Variants in FOXN3 observed in about 807,000 individuals in gnomAD.
FOXN3 encodes forkhead box protein N3.
FOXN3 carries 7 observed loss-of-function variants against 38.4 expected under a neutral mutation model. The ratio of observed to expected loss-of-function variants is 0.18; its 90% CI spans 0.10 to 0.34. The LOEUF is 0.34. Ranked by LOEUF, FOXN3 falls within the 10% of genes least tolerant of loss-of-function variation. FOXN3 has a pLI of 1.00. For synonymous variants in FOXN3, 230 were observed against 242.2 expected, an observed-to-expected ratio of 0.95 and a Z score of 0.47; for missense variants, 456 against 613.4, an observed-to-expected ratio of 0.74 and a Z score of 2.71.
At chr14:89,485,930 C>A (rs951625398) in intron 1 of FOXN3, among the ~76,000 whole-genome samples, 2 of 152,156 alleles carry the variant, frequency 1.3e-5, no homozygotes, top group African/African-American at 4.8e-5. Context: ...CCAACTGAGG[C>A]CCTCCCTGGT....
intron 1 of FOXN3, among the ~76,000 whole-genome samples, chr14:89,456,284 C>T (rs1357391032): frequency 5.3e-5 from 8 of 152,042 alleles, no homozygotes; most frequent in Non-Finnish European, 1.0e-4. Flanking sequence ...CAACGTGCCC[C>T]TACTCTCCTA....
chr14:89,181,538 CG>C (rs1231823131), intron 4 of FOXN3, among the ~76,000 whole-genome samples: 1 of 152,214 alleles, frequency 6.6e-6, no homozygotes, highest in Admixed American at 6.5e-5. Flanking sequence ...GGCCCCTCCC[CG>C]GGGTATCCTC....
At chr14:89,470,254 G>C (rs1044960753) in intron 1 of FOXN3, among the ~76,000 whole-genome samples, 1 of 151,000 alleles carries the variant, frequency 6.6e-6, no homozygotes, top group South Asian at 2.1e-4. Flanking sequence ...ATTTTGAAGG[G>C]AATCAACCTA....
At chr14:89,319,336 GGTGAAGTCCA>G (rs1468012236) in intron 3 of FOXN3, among the ~76,000 whole-genome samples, 1 of 152,038 alleles carries the variant, frequency 6.6e-6, no homozygotes, top group Non-Finnish European at 1.5e-5. Flanking sequence ...GGTGCATGGG[GGTGAAGTCCA>G]GAGGAACCCA....
chr14:89,390,559 G>A (rs1434659722), intron 2 of FOXN3, among the ~76,000 whole-genome samples: 1 of 150,178 alleles, frequency 6.7e-6, no homozygotes, highest in East Asian at 1.9e-4. Flanking sequence ...AAACTGACGA[G>A]CAGTATCATT....
intron 1 of FOXN3, among the ~76,000 whole-genome samples, chr14:89,467,694 C>G (rs1354678499): frequency 6.6e-6 from 1 of 150,992 alleles, no homozygotes; most frequent in Admixed American, 6.6e-5. Context: ...GGCTCAAGCT[C>G]CAGCAGTCCT....
intron 1 of FOXN3, among the ~76,000 whole-genome samples, chr14:89,601,971 A>T (rs2139940435): frequency 6.6e-6 from 1 of 152,354 alleles, no homozygotes; most frequent in Non-Finnish European, 1.5e-5. Context: ...ACTGAGACAG[A>T]CTAATCTGAT....
chr14:89,320,970 G>A (rs965733801), intron 3 of FOXN3, among the ~76,000 whole-genome samples: 34 of 152,104 alleles, frequency 2.2e-4, no homozygotes, highest in African/African-American at 8.2e-4. Flanking sequence ...AAGGGGAAAG[G>A]AACCTTCTTC....
chr14:89,450,503 C>T (rs1596278718), intron 1 of FOXN3, among the ~76,000 whole-genome samples: 2 of 152,058 alleles, frequency 1.3e-5, no homozygotes, highest in Admixed American at 1.3e-4. Context: ...ACTTAAGTGT[C>T]TTCATCTGCC....
intron 4 of FOXN3, among the ~76,000 whole-genome samples, chr14:89,251,323 T>A (rs1043469072): frequency 1.3e-5 from 2 of 152,238 alleles, no homozygotes; most frequent in Non-Finnish European, 2.9e-5. Context: ...CTGCCCCTTC[T>A]GCCTAGAATC....
chr14:89,188,561 C>T (rs143411243), intron 4 of FOXN3, among the ~76,000 whole-genome samples: 12 of 152,302 alleles, frequency 7.9e-5, no homozygotes, highest in Non-Finnish European at 1.6e-4. Context: ...CGGTCCATTA[C>T]GTTTAAGCTG....
intron 2 of FOXN3, among the ~76,000 whole-genome samples, chr14:89,378,498 G>A (rs1890549615): frequency 6.6e-6 from 1 of 152,192 alleles, no homozygotes; most frequent in Non-Finnish European, 1.5e-5. Context: ...TTTCATCGCT[G>A]AGCAGAAACG....
chr14:89,226,083 A>T (rs1884628207), intron 4 of FOXN3, among the ~76,000 whole-genome samples: 1 of 127,900 alleles, frequency 7.8e-6, no homozygotes. Context: ...CATTCTGATG[A>T]GAAATTAGTA....
chr14:89,167,578 G>C (rs547887231), intron 5 of FOXN3, among the ~76,000 whole-genome samples: 114 of 152,314 alleles, frequency 7.5e-4, no homozygotes, highest in Middle Eastern at 3.4e-3. Flanking sequence ...AGTAGACATG[G>C]AAGAGAAGAG....
In FOXN3 at chr14:89,473,182, G is replaced by A. The variant is rs990636635; in HGVS notation, c.-14-60692C>T. Among the ~76,000 whole-genome samples the A allele has an allele frequency of 6.0e-5, 9 of 150,558 alleles. No homozygotes were observed. The South Asian group carries it at 6.3e-4, about 11-fold the overall frequency. Reference sequence around the variant, plus strand: ...TGGGACTACAGGCGCCTCCCACCACGCCTGGCTAATTTTTTGTATTTTTAG... The same window carrying A: ...TGGGACTACAGGCGCCTCCCACCACACCTGGCTAATTTTTTGTATTTTTAG... On this transcript the variant is annotated intron_variant, in intron 1 of 6. Coordinates refer to the FOXN3 transcript ENST00000345097.
chr14:89,204,658 C>T (rs1888330421), intron 4 of FOXN3, among the ~76,000 whole-genome samples: 1 of 152,174 alleles, frequency 6.6e-6, no homozygotes, highest in Admixed American at 6.5e-5. Flanking sequence ...CTACTGTCTG[C>T]CTCACACCTA....
chr14:89,492,915 A>T (rs1893611511), intron 1 of FOXN3, among the ~76,000 whole-genome samples: 1 of 152,190 alleles, frequency 6.6e-6, no homozygotes, highest in African/African-American at 2.4e-5. Flanking sequence ...TTATAATCCA[A>T]AACCTGTCCT....
intron 2 of FOXN3, among the ~76,000 whole-genome samples, chr14:89,368,203 G>A (rs887392037): frequency 6.6e-6 from 1 of 151,870 alleles, no homozygotes; most frequent in African/African-American, 2.4e-5. Context: ...GGTGGCACAT[G>A]CCTACAATCC....
At position 89,503,982 on chromosome 14, in the gene FOXN3, G is replaced by C. The variant is rs1893856474; in HGVS notation, c.-14-91492C>G. ...TTATCTACATAGCTACAAAGGAAATGACCAGAGCCAAACAGACAGCAGAGA... is the reference window on the plus strand; with the variant it reads ...TTATCTACATAGCTACAAAGGAAATCACCAGAGCCAAACAGACAGCAGAGA... On this transcript the variant is annotated intron_variant, in intron 1 of 6. Coordinates refer to the FOXN3 transcript ENST00000345097. Among the ~76,000 whole-genome samples the C allele has an allele frequency of 3.3e-5, 5 of 152,256 alleles. No homozygotes were observed. In the South Asian group the frequency reaches 1.0e-3, roughly 32 times the overall value.
Sources: gnomAD v4.1 joint callset for allele counts (sites outside exome capture counted in the v4.1 genomes callset) on GRCh38, gnomAD v4.1.1 for gene constraint, MANE v1.5 for transcripts, NCBI Gene and HGNC (gene_info 2026-07-23, HGNC 2026-07-21) for gene names.